The following TMPRSS11A variants were observed in gnomAD, a reference collection of about 807,000 sequenced individuals.
TMPRSS11A encodes the protein transmembrane serine protease 11A.
Under a neutral mutation model 58.9 loss-of-function variants are expected in TMPRSS11A, and 53 were observed. The ratio of observed to expected loss-of-function variants is 0.90; its 90% CI spans 0.72 to 1.13. The LOEUF (loss-of-function observed/expected upper bound fraction) is 1.13. Among genes scored for constraint, TMPRSS11A ranks in the 50% most tolerant of loss-of-function variants. TMPRSS11A has a pLI of 0.00. For missense variants in TMPRSS11A, 493 were observed against 499.3 expected (o/e 0.99, Z 0.12); for synonymous variants, 167 against 169.8 (o/e 0.98, Z 0.13).
chr4:67,958,839 G>T (rs1393916309), intron 1 of TMPRSS11A, among the ~76,000 whole-genome samples: 3 of 152,164 alleles, frequency 2.0e-5, no homozygotes, highest in Non-Finnish European at 4.4e-5. Context: ...GGGATCTGAT[G>T]GGAGGTAATT....
chr4:67,946,626 T>C, intron 1 of TMPRSS11A, 55 bp from the exon 2 acceptor site: 1 of 1,560,816 alleles, frequency 6.4e-7, no homozygotes, highest in Non-Finnish European at 8.6e-7. Flanking sequence ...TTGCAGGTTT[T>C]CCAGCTCTCC....
chr4:67,919,755 A>G (rs1044931345), intron 7 of TMPRSS11A, among the ~76,000 whole-genome samples: 1 of 152,242 alleles, frequency 6.6e-6, no homozygotes, highest in African/African-American at 2.4e-5. Flanking sequence ...AAGACATAGT[A>G]AAAGAGGGTC....
intron 3 of TMPRSS11A, among the ~76,000 whole-genome samples, chr4:67,936,890 G>A (rs1350055547): frequency 6.6e-6 from 1 of 152,110 alleles, no homozygotes; most frequent in Admixed American, 6.6e-5. Context: ...TTGTAAAAGA[G>A]GAAAATATCT....
chr4:67,913,028 C>T (rs1720027676), intron 9 of TMPRSS11A, among the ~76,000 whole-genome samples: 1 of 151,902 alleles, frequency 6.6e-6, no homozygotes, highest in Non-Finnish European at 1.5e-5. Context: ...GAGAGATTTC[C>T]TTGATTTTAT....
At chr4:67,937,032 T>G (rs986459382) in intron 3 of TMPRSS11A, among the ~76,000 whole-genome samples, 6 of 152,158 alleles carry the variant, frequency 3.9e-5, no homozygotes, top group Admixed American at 6.6e-5. Context: ...TTGGATTAGT[T>G]TATGAGAGAG....
chr4:67,925,085 T>C (rs1423561911), intron 5 of TMPRSS11A, among the ~76,000 whole-genome samples: 1 of 152,122 alleles, frequency 6.6e-6, no homozygotes, highest in East Asian at 1.9e-4. Flanking sequence ...GTAAAATTGC[T>C]TTTTTAAAGA....
chr4:67,954,937 A>G lies in TMPRSS11A; in HGVS notation c.12-8366T>C, dbSNP rs145851959. On this transcript the variant is annotated intron_variant, in intron 1 of 9. Transcript: ENST00000508048. The stretch of plus-strand genomic sequence containing the variant: ...ATTAAATGTAACCTACATAGAGTAA[A>G]TAATATATAAATGTGAGATGTTATC... 5.3e-3 allele frequency among the ~76,000 whole-genome samples: 802 copies of G among 152,344 alleles called. 2 individuals are homozygous for G. Among genetic ancestry groups the G allele is most frequent in the Middle Eastern group, 0.024 (7 of 294 alleles).
rs116785474 is a variant in TMPRSS11A, at chr4:67,921,742, C to T, written c.692+1013G>A. 5.7e-3 allele frequency among the ~76,000 whole-genome samples: 865 copies of T among 152,272 alleles called. 9 individuals carry two copies. The highest frequency in any genetic ancestry group is 9.6e-3 in the Non-Finnish European group (655 of 68,018). ...CAAAAAGAATGTGAAAAGATCTAGC[C>T]TATCTATTACCTAATACACTAAGGT... On this transcript the variant is annotated intron_variant, in intron 7 of 9. Coordinates refer to ENST00000508048, the MANE Select transcript of TMPRSS11A (RefSeq NM_001114387.2).
intron 3 of TMPRSS11A, among the ~76,000 whole-genome samples, chr4:67,940,067 C>T (rs975750815): frequency 2.0e-5 from 3 of 152,276 alleles, no homozygotes; most frequent in Admixed American, 6.5e-5. Flanking sequence ...ACCAGTCTTG[C>T]ATCACAGAAA....
At chr4:67,945,544 G>A (rs1332766490) in intron 2 of TMPRSS11A, among the ~76,000 whole-genome samples, 1 of 152,128 alleles carries the variant, frequency 6.6e-6, no homozygotes, top group Non-Finnish European at 1.5e-5. Context: ...AGACTTTTAT[G>A]CAACCAAATA....
At chr4:67,917,640 A>C (rs1720194939) in intron 8 of TMPRSS11A, among the ~76,000 whole-genome samples, 1 of 152,216 alleles carries the variant, frequency 6.6e-6, no homozygotes, top group African/African-American at 2.4e-5. Flanking sequence ...ACTCACCAAG[A>C]GAGGCCGTGT....
intron 4 of TMPRSS11A, among the ~76,000 whole-genome samples, chr4:67,931,250 A>G (rs546113005): frequency 6.6e-6 from 1 of 152,282 alleles, no homozygotes; most frequent in East Asian, 1.9e-4. Context: ...AGACATAGAG[A>G]ACTTTGAGTA....
intron 3 of TMPRSS11A, among the ~76,000 whole-genome samples, chr4:67,935,557 T>C (rs964591031): frequency 6.6e-6 from 1 of 152,154 alleles, no homozygotes; most frequent in Non-Finnish European, 1.5e-5. Context: ...TGCAAATATA[T>C]AGTCTCTTTT....
chr4:67,938,354 GT>G (rs1720802609), intron 3 of TMPRSS11A, among the ~76,000 whole-genome samples: 1 of 152,140 alleles, frequency 6.6e-6, no homozygotes, highest in African/African-American at 2.4e-5. Context: ...CAGTCTGTAG[GT>G]TGTTTGTTTA....
intron 4 of TMPRSS11A, among the ~76,000 whole-genome samples, chr4:67,930,904 G>C (rs1720600512): frequency 7.3e-6 from 1 of 136,934 alleles, no homozygotes. Context: ...GAAATTCTGA[G>C]ACAATTTATG....
intron 8 of TMPRSS11A, among the ~76,000 whole-genome samples, chr4:67,917,854 G>C (rs1720200907): frequency 6.6e-6 from 1 of 152,154 alleles, no homozygotes; most frequent in Non-Finnish European, 1.5e-5. Context: ...AGAGAGTGCA[G>C]ACCTAGGGAG....
chr4:67,961,477 CTTTTCCTTTTTTTTTTTT>C (rs1721418181), intron 1 of TMPRSS11A, among the ~76,000 whole-genome samples: 3 of 2,322 alleles, frequency 1.3e-3, no homozygotes, highest in African/African-American at 2.6e-3. Flanking sequence ...CTTTCCTTTT[CTTTTCCTTTTTTTTTTTT>C]TTTTTTTTTT....
chr4:67,942,400 A>G (rs1720902316), intron 3 of TMPRSS11A, among the ~76,000 whole-genome samples: 1 of 152,196 alleles, frequency 6.6e-6, no homozygotes, highest in African/African-American at 2.4e-5. Flanking sequence ...TTCTGCCATG[A>G]GGGACACAGC....
chr4:67,931,824 A>C (rs1720630890), intron 4 of TMPRSS11A, among the ~76,000 whole-genome samples, 169 bp downstream of exon 4: 1 of 152,126 alleles, frequency 6.6e-6, no homozygotes, highest in South Asian at 2.1e-4. Context: ...CTTTTTGTTG[A>C]CAAAACGGTG....
Sources: allele counts gnomAD v4.1 joint callset (sites outside exome capture counted in the v4.1 genomes callset), GRCh38; gene constraint gnomAD v4.1.1; transcripts MANE v1.5; gene names NCBI Gene and HGNC (gene_info 2026-07-23, HGNC 2026-07-21).